DCBLD2: variants seen among roughly 807,000 people sequenced by gnomAD.
The protein encoded by DCBLD2 is discoidin, CUB and LCCL domain-containing protein 2.
In DCBLD2, 54 loss-of-function variants were observed where a neutral mutation model predicts 86.8. The ratio of observed to expected loss-of-function variants is 0.62; its 90% CI spans 0.50 to 0.78. The LOEUF is 0.78. Ranked by LOEUF, DCBLD2 falls within the 30% of genes least tolerant of loss-of-function variation. The pLI is 0.00. For synonymous variants in DCBLD2, 354 were observed against 341.3 expected, an observed-to-expected ratio of 1.04 and a Z score of -0.41; for missense variants, 908 against 954.2, an observed-to-expected ratio of 0.95 and a Z score of 0.64.
chr3:98,882,313 A>C (rs112856303), intron 1 of DCBLD2, among the ~76,000 whole-genome samples: 5 of 152,250 alleles, frequency 3.3e-5, no homozygotes, highest in African/African-American at 1.2e-4. Context: ...TCAAAAGAAG[A>C]GCAACTTAAT....
intron 14 of DCBLD2, chr3:98,801,352 CA>C (rs1407805285): frequency 9.0e-6 from 4 of 443,832 alleles, no homozygotes; most frequent in Non-Finnish European, 1.6e-5. Context: ...GGACAAACTA[CA>C]CAAGTTTTCC....
At chr3:98,837,834 T>A in intron 3 of DCBLD2, among the ~76,000 whole-genome samples, 1 of 134,424 alleles carries the variant, frequency 7.4e-6, no homozygotes, top group Non-Finnish European at 1.6e-5. Context: ...CCCCCCCACC[T>A]CCCTCCCGGA....
chr3:98,808,296 A>G lies in DCBLD2; in HGVS notation c.1577-122T>C, dbSNP rs1009980555. ...TTTCTACCTCACGGAAATACCATAA[A>G]CATTATTTGTCAAGACTGGGCATGT... On this transcript the variant is annotated intron_variant, in intron 12 of 15. Transcript: ENST00000326840. The G allele has an allele frequency of 4.8e-6, 4 of 825,364 alleles. No individual in the cohort carries two copies. The African/African-American group carries it at 7.0e-5, about 14-fold the overall frequency. 51.1% of individuals were successfully genotyped at this position (825,364 alleles called of 1,614,324 possible). A position where few individuals can be genotyped will look rare whatever the true frequency, so the allele number is the denominator to read the frequency against.
At chr3:98,807,267 T>G (rs1292686158) in intron 13 of DCBLD2, among the ~76,000 whole-genome samples, 1 of 152,130 alleles carries the variant, frequency 6.6e-6, no homozygotes, top group Non-Finnish European at 1.5e-5. Context: ...CATTTGCTAG[T>G]GCTATGGTCT....
intron 12 of DCBLD2, among the ~76,000 whole-genome samples, chr3:98,810,085 G>C (rs574064911): frequency 2.6e-5 from 4 of 152,180 alleles, no homozygotes; most frequent in Non-Finnish European, 5.9e-5. Flanking sequence ...GGGCATACAG[G>C]GATCCTAATT....
At chr3:98,900,323 T>C (rs1190839318) in intron 1 of DCBLD2, among the ~76,000 whole-genome samples, 1 of 152,154 alleles carries the variant, frequency 6.6e-6, no homozygotes, top group Non-Finnish European at 1.5e-5. Context: ...TTTCAAAAAC[T>C]GATGCCAAAC....
intron 3 of DCBLD2, among the ~76,000 whole-genome samples, chr3:98,825,643 T>TTATATA (rs56736194): frequency 0.019 from 2,191 of 114,808 alleles, 52 homozygotes; most frequent in East Asian, 0.056. Flanking sequence ...ATATGTGTAT[T>TTATATA]TATATATATA....
chr3:98,870,840 T>C (rs568761206), intron 2 of DCBLD2, among the ~76,000 whole-genome samples: 145 of 136,588 alleles, frequency 1.1e-3, no homozygotes, highest in South Asian at 7.1e-3. Context: ...GGTATTTTGA[T>C]AGGAACTCTA....
chr3:98,870,811 A>AGGT, intron 2 of DCBLD2, among the ~76,000 whole-genome samples: 2 of 133,504 alleles, frequency 1.5e-5, no homozygotes, highest in Non-Finnish European at 1.6e-5. Flanking sequence ...GAAAGAAAGA[A>AGGT]AGGTAGGCAG....
At chr3:98,868,134 C>A (rs1197513648) in intron 2 of DCBLD2, among the ~76,000 whole-genome samples, 31 of 152,150 alleles carry the variant, frequency 2.0e-4, no homozygotes, top group Admixed American at 2.0e-3. Flanking sequence ...GATTTAAATA[C>A]TATCAAGCAG....
intron 2 of DCBLD2, among the ~76,000 whole-genome samples, chr3:98,851,122 G>C (rs1002145907): frequency 1.3e-5 from 2 of 152,120 alleles, no homozygotes; most frequent in African/African-American, 4.8e-5. Context: ...AAGAAATAAA[G>C]GGTATTCAAA....
At chr3:98,890,740 C>G (rs1312918271) in intron 1 of DCBLD2, among the ~76,000 whole-genome samples, 1 of 152,060 alleles carries the variant, frequency 6.6e-6, no homozygotes, top group Non-Finnish European at 1.5e-5. Flanking sequence ...AACCCTCCAA[C>G]TGCATCTCGC....
intron 12 of DCBLD2, among the ~76,000 whole-genome samples, chr3:98,810,114 AG>A (rs748848324): frequency 8.5e-5 from 13 of 152,216 alleles, no homozygotes; most frequent in Non-Finnish European, 1.6e-4. Context: ...AAATTATTTA[AG>A]GACTCTTTTT....
chr3:98,867,016 T>C (rs1197919591), intron 2 of DCBLD2, among the ~76,000 whole-genome samples: 2 of 152,216 alleles, frequency 1.3e-5, no homozygotes, highest in Non-Finnish European at 2.9e-5. Context: ...CAGATGGTTG[T>C]AGATGTGTGG....
chr3:98,859,828 C>A (rs555405360), intron 2 of DCBLD2, among the ~76,000 whole-genome samples: 2 of 152,234 alleles, frequency 1.3e-5, no homozygotes, highest in African/African-American at 4.8e-5. Context: ...TCTCCCCCCA[C>A]AAAGGAACGC....
intron 2 of DCBLD2, 101 bp from the exon 3 acceptor site, chr3:98,849,699 G>T: frequency 7.8e-7 from 1 of 1,289,438 alleles, no homozygotes; most frequent in Non-Finnish European, 1.1e-6. Context: ...CAAGCTGGCT[G>T]TTAAATTAGT....
intron 9 of DCBLD2, chr3:98,814,477 T>C (rs1941988656): frequency 6.6e-6 from 1 of 152,192 alleles, no homozygotes; most frequent in African/African-American, 2.4e-5. Context: ...GAGAAGTATG[T>C]GAGGTGTCAT....
chr3:98,875,995 A>C (rs571030319), intron 2 of DCBLD2, among the ~76,000 whole-genome samples: 9 of 152,330 alleles, frequency 5.9e-5, no homozygotes, highest in African/African-American at 2.2e-4. Flanking sequence ...ATATAGGAAG[A>C]AGCTTTCTAA....
intron 3 of DCBLD2, among the ~76,000 whole-genome samples, chr3:98,829,260 G>C (rs762902698): frequency 6.6e-6 from 1 of 152,116 alleles, no homozygotes; most frequent in Non-Finnish European, 1.5e-5. Flanking sequence ...ACCACCAAGA[G>C]AGTGAACATA....
Sources: allele counts gnomAD v4.1 joint callset (sites outside exome capture counted in the v4.1 genomes callset), GRCh38; gene constraint gnomAD v4.1.1; transcripts MANE v1.5; gene names NCBI Gene and HGNC (gene_info 2026-07-23, HGNC 2026-07-21).